RPA2: variants seen among roughly 807,000 people sequenced by gnomAD.
RPA2 encodes the protein replication protein A2, also known as replication protein A 32 kDa subunit.
A neutral mutation model predicts 33.4 loss-of-function variants in RPA2; 22 were observed. The observed-to-expected ratio is 0.66, with a 90% CI of 0.47 to 0.94. The LOEUF (loss-of-function observed/expected upper bound fraction) is 0.94. RPA2 is among the 40% of genes least tolerant of loss of function. The pLI, the probability that RPA2 is intolerant of heterozygous loss-of-function variation, is 0.00. For synonymous variants in RPA2, 109 were observed against 114.9 expected (o/e 0.95, Z 0.33); for missense variants, 279 against 329.9 (o/e 0.85, Z 1.19).
intron 2 of RPA2, among the ~76,000 whole-genome samples, chr1:27,913,400 C>T (rs1271167475): frequency 6.7e-6 from 1 of 149,088 alleles, no homozygotes; most frequent in African/African-American, 2.5e-5. Flanking sequence ...ACCAGCCTGA[C>T]CAACATGGAG....
intron 6 of RPA2, among the ~76,000 whole-genome samples, chr1:27,896,678 A>G (rs2089895774): frequency 6.6e-6 from 1 of 152,118 alleles, no homozygotes; most frequent in Non-Finnish European, 1.5e-5. Context: ...GAAGGGGACT[A>G]CTCTCTGAGT....
intron 5 of RPA2, 116 bp from the exon 6 acceptor site, chr1:27,897,237 G>A: frequency 1.4e-6 from 1 of 708,774 alleles, no homozygotes; most frequent in South Asian, 1.9e-5. Context: ...TGAGAAAAAT[G>A]TTATATACTC....
At chr1:27,914,790 A>C, upstream of RPA2, 5 of 986,990 alleles carry the variant, frequency 5.1e-6, no homozygotes, top group African/African-American at 1.6e-5. Flanking sequence ...AAATCAACCA[A>C]TCAGAACAAT....
intron 2 of RPA2, among the ~76,000 whole-genome samples, chr1:27,910,801 T>C (rs948241917): frequency 6.6e-6 from 1 of 151,986 alleles, no homozygotes; most frequent in East Asian, 1.9e-4. Context: ...TAAGAGTCTG[T>C]GGTAAGCTAT....
Position 27,896,778 on chromosome 1 carries a change from C to T in RPA2, c.525+227G>A, listed in dbSNP as rs55757078. Among the ~76,000 whole-genome samples the T allele has an allele frequency of 1.5e-4, 23 of 152,294 alleles. No individual in the cohort carries two copies. In the East Asian group the frequency reaches 4.4e-3, roughly 29 times the overall value. On this transcript the variant is annotated intron_variant, in intron 6 of 8. Transcript: ENST00000373912. ...ACCTGAGGGTTGTCACAGGCCTCAG[C>T]TGTCCAGGCCAGTGGAGTCAGAGGA...
chr1:27,894,022 A>T lies in RPA2; in HGVS notation c.718T>A (p.Ser240Thr). 1 of 1,613,540 alleles carries T rather than the reference A, an allele frequency of 6.2e-7. No homozygotes were observed. Among genetic ancestry groups the T allele is most frequent in the Admixed American group, 1.7e-5 (1 of 60,018 alleles). Residue 240 changes from serine (S) to threonine (T), a missense_variant, in exon 8 of 9, where the codon TCC (serine) becomes ACC (threonine). By Grantham distance (58) the Ser-to-Thr change is moderately conservative. Transcript: ENST00000373912. Reference sequence around the variant, plus strand: ...AAATCAAATACTTACTTGATTGAGGATACAGACATGTGTTTCAGCTGGTTC... The same window carrying T: ...AAATCAAATACTTACTTGATTGAGGTTACAGACATGTGTTTCAGCTGGTTC... ...LKNQLKHMSV[S>T]SIKQAVDFLS... is the part of the protein sequence containing the mutation.
At chr1:27,908,318 T>C (rs1195071453) in intron 2 of RPA2, among the ~76,000 whole-genome samples, 1 of 151,350 alleles carries the variant, frequency 6.6e-6, no homozygotes, top group Non-Finnish European at 1.5e-5. Context: ...TTTGTAGAGA[T>C]GGGGTTTTGC....
intron 5 of RPA2, 89 bp from the exon 6 acceptor site, chr1:27,897,210 T>C: frequency 1.2e-6 from 1 of 859,838 alleles, no homozygotes; most frequent in Non-Finnish European, 1.9e-6. Context: ...GGTTATAATA[T>C]TAATATTTCA....
At position 27,893,143 on chromosome 1, in the gene RPA2, A is replaced by T. The variant is rs28904904; in HGVS notation, c.728+869T>A. Among the ~76,000 whole-genome samples the T allele has an allele frequency of 2.5e-3, 382 of 152,336 alleles. 2 individuals are homozygous for T. Among genetic ancestry groups the T allele is most frequent in the African/African-American group, 8.2e-3 (340 of 41,588 alleles). ...TTCCTCCAGTCTAAATCCCATAATG[A>T]AATCAGGTCAACTTTTTGCTCAGAA... On this transcript the variant is annotated intron_variant, in intron 8 of 8. Coordinates refer to ENST00000373912, the MANE Select transcript of RPA2 (RefSeq NM_002946.5).
chr1:27,914,756 G>A, upstream of RPA2: 1 of 1,364,960 alleles, frequency 7.3e-7, no homozygotes, highest in East Asian at 2.4e-5. Flanking sequence ...CGGAAGCAAG[G>A]GGCTGGCAGA....
rs2090035791 is a variant in RPA2, at chr1:27,906,918, A to G, written c.333+10T>C. Reference sequence around the variant, plus strand: ...AGTAACCCCATCATGATTCAAAAACAGCCACTTACATCTGTGTCAACCCAC... The same window carrying G: ...AGTAACCCCATCATGATTCAAAAACGGCCACTTACATCTGTGTCAACCCAC... On this transcript the variant is annotated intron_variant, in intron 4 of 8. Coordinates refer to ENST00000373912, the MANE Select transcript of RPA2 (RefSeq NM_002946.5). 3.2e-6 allele frequency: 5 copies of G among 1,586,222 alleles called. No homozygotes were observed. The highest frequency in any genetic ancestry group is 4.3e-6 in the Non-Finnish European group (5 of 1,160,798).
At chr1:27,906,378 C>CCAAA (rs778145266) in intron 4 of RPA2, among the ~76,000 whole-genome samples, 5 of 150,534 alleles carry the variant, frequency 3.3e-5, no homozygotes, top group Admixed American at 6.7e-5. Context: ...AAAAAAAAAA[C>CCAAA]CAAACAAACA....
Position 27,913,626 on chromosome 1 carries a change from A to G in RPA2, c.117+437T>C, listed in dbSNP as rs540327184. Among the ~76,000 whole-genome samples the G allele has an allele frequency of 1.6e-4, 24 of 151,764 alleles. No individual in the cohort carries two copies. In the South Asian group the frequency reaches 4.6e-3, roughly 29 times the overall value. On this transcript the variant is annotated intron_variant, in intron 2 of 8. Transcript: ENST00000373912. ...AAAGAATGTAAAAGAGACTATTAAT[A>G]TAAGTTCAGGCCAGGAGCAGTGGCT... is the stretch of plus-strand genomic sequence containing the variant.
Position 27,892,261 on chromosome 1 carries a change from A to AG in RPA2, c.729-15dup, listed in dbSNP as rs2089834055. On this transcript the variant is annotated splice_polypyrimidine_tract_variant and intron_variant, in intron 8 of 8. Transcript: ENST00000373912. ...TCCACAGCTTGCCTAGAAAGAAAGA[A>AG]GAAAAAAAAAAGGTCATTTTCAGGC... The AG allele has an allele frequency of 1.2e-6, 2 of 1,608,588 alleles. No homozygotes were observed. The highest frequency in any genetic ancestry group is 3.3e-5 in the Admixed American group (2 of 59,820).
At position 27,914,402 on chromosome 1, in the gene RPA2, C is replaced by A. The variant is rs757649169; in HGVS notation, c.10+32G>T. ...TCTTGCTAAAACCTCCTGCGATTCT[C>A]TTCCTCCTCCACCCCGCACCCCCAT... On this transcript the variant is annotated intron_variant, in intron 1 of 8. Coordinates refer to ENST00000373912, the MANE Select transcript of RPA2 (RefSeq NM_002946.5). 4 of 1,613,006 alleles carry A rather than the reference C, an allele frequency of 2.5e-6. No homozygotes were observed. The South Asian group carries it at 4.4e-5, about 18-fold the overall frequency.
intron 4 of RPA2, among the ~76,000 whole-genome samples, chr1:27,899,412 G>C (rs2089935605): frequency 6.6e-6 from 1 of 150,440 alleles, no homozygotes; most frequent in Non-Finnish European, 1.5e-5. Flanking sequence ...GGCTGAGGCA[G>C]GAGAATCACT....
At chr1:27,908,867 C>A (rs1194525777) in intron 2 of RPA2, among the ~76,000 whole-genome samples, 12 of 152,192 alleles carry the variant, frequency 7.9e-5, no homozygotes, top group Admixed American at 7.9e-4. Flanking sequence ...AAGAGGTAGT[C>A]TGGGTAACAT....
At chr1:27,913,279 C>T (rs1167655828) in intron 2 of RPA2, among the ~76,000 whole-genome samples, 1 of 150,944 alleles carries the variant, frequency 6.6e-6, no homozygotes, top group African/African-American at 2.4e-5. Context: ...GATGTCGCCT[C>T]ATCCCATTTA....
At chr1:27,902,335 C>T (rs1157157152) in intron 4 of RPA2, among the ~76,000 whole-genome samples, 3 of 148,558 alleles carry the variant, frequency 2.0e-5, no homozygotes, top group Non-Finnish European at 4.4e-5. Context: ...GGCTGGAGTG[C>T]ACTGGTGTGA....
Sources: gnomAD v4.1 joint callset for allele counts (sites outside exome capture counted in the v4.1 genomes callset) on GRCh38, gnomAD v4.1.1 for gene constraint, MANE v1.5 for transcripts, NCBI Gene and HGNC (gene_info 2026-07-23, HGNC 2026-07-21) for gene names.